GABRB1: variants seen among roughly 807,000 people sequenced by gnomAD.
The protein encoded by GABRB1 is gamma-aminobutyric acid receptor subunit beta-1.
In GABRB1, 17 loss-of-function variants were observed where a neutral mutation model predicts 51.6. The ratio of observed to expected loss-of-function variants is 0.33; its 90% CI spans 0.23 to 0.49. GABRB1 has a LOEUF of 0.49. Among genes scored for constraint, GABRB1 ranks in the 20% least tolerant of loss-of-function variants. The probability of loss-of-function intolerance (pLI) is 0.99; values close to 1 mark genes in which losing one functional copy is unlikely to be tolerated. For missense variants in GABRB1, 410 were observed against 600.6 expected (o/e 0.68, Z 3.32); for synonymous variants, 247 against 218.9 (o/e 1.13, Z -1.14).
chr4:47,177,628 C>T (rs1160449269), intron 4 of GABRB1, among the ~76,000 whole-genome samples: 1 of 151,876 alleles, frequency 6.6e-6, no homozygotes, highest in Non-Finnish European at 1.5e-5. Context: ...AGGTAGGTAA[C>T]CTGGTAAAAA....
intron 4 of GABRB1, among the ~76,000 whole-genome samples, chr4:47,315,745 G>C (rs1724860549): frequency 6.6e-6 from 1 of 151,842 alleles, no homozygotes; most frequent in African/African-American, 2.4e-5. Flanking sequence ...ATGGATGGAG[G>C]TGGCAGCCGT....
chr4:47,377,851 A>G (rs1727444061), intron 5 of GABRB1, among the ~76,000 whole-genome samples: 1 of 152,202 alleles, frequency 6.6e-6, no homozygotes, highest in African/African-American at 2.4e-5. Flanking sequence ...AGGTAGACAC[A>G]GGGTGCTGAT....
intron 5 of GABRB1, among the ~76,000 whole-genome samples, chr4:47,331,229 T>G (rs1368407702): frequency 6.6e-6 from 1 of 151,548 alleles, no homozygotes; most frequent in African/African-American, 2.4e-5. Context: ...AGAAGAGGGG[T>G]GGGTGGAGAG....
chr4:47,147,151 T>G (rs1420227722), intron 3 of GABRB1, among the ~76,000 whole-genome samples: 1 of 152,070 alleles, frequency 6.6e-6, no homozygotes, highest in Non-Finnish European at 1.5e-5. Context: ...TCCTTTACCA[T>G]TTATGTCTCT....
chr4:47,389,960 A>T (rs1727928504), intron 5 of GABRB1, among the ~76,000 whole-genome samples: 1 of 152,222 alleles, frequency 6.6e-6, no homozygotes, highest in Non-Finnish European at 1.5e-5. Context: ...GTCATTTAGG[A>T]TACTTTAATT....
intron 4 of GABRB1, among the ~76,000 whole-genome samples, chr4:47,297,788 G>A (rs546104007): frequency 6.6e-5 from 10 of 152,110 alleles, no homozygotes; most frequent in South Asian, 6.2e-4. Context: ...TATCAAAGCC[G>A]GGCAGAGACA....
At chr4:47,329,198 C>A (rs938881700) in intron 5 of GABRB1, among the ~76,000 whole-genome samples, 2 of 151,758 alleles carry the variant, frequency 1.3e-5, no homozygotes, top group African/African-American at 4.8e-5. Context: ...AAAGAGGAGA[C>A]CAAGATATCT....
intron 4 of GABRB1, among the ~76,000 whole-genome samples, chr4:47,199,319 G>T (rs1227930685): frequency 2.0e-5 from 3 of 152,128 alleles, no homozygotes; most frequent in Non-Finnish European, 4.4e-5. Context: ...TTTTGCTAGT[G>T]CCTCTGACAA....
chr4:47,216,405 C>T lies in GABRB1; in HGVS notation c.461+54936C>T, dbSNP rs186920852. 1.3e-3 allele frequency among the ~76,000 whole-genome samples: 191 copies of T among 151,994 alleles called. 1 individual carries two copies. The highest frequency in any genetic ancestry group is 4.3e-3 in the African/African-American group (178 of 41,514). On this transcript the variant is annotated intron_variant, in intron 4 of 8. Coordinates refer to ENST00000295454, the MANE Select transcript of GABRB1 (RefSeq NM_000812.4). ...AAACATGTGATGAGAAAATAGTTAT[C>T]ACTGATATTAAGCAGTTGTCTCAGA...
chr4:47,030,222 A>C (rs1395847026), upstream of GABRB1, among the ~76,000 whole-genome samples: 1 of 151,840 alleles, frequency 6.6e-6, no homozygotes, highest in Non-Finnish European at 1.5e-5. Context: ...TTCACTCTAA[A>C]CTTCTTGTGC....
intron 5 of GABRB1, among the ~76,000 whole-genome samples, chr4:47,377,087 G>A (rs1727409705): frequency 6.6e-6 from 1 of 152,198 alleles, no homozygotes; most frequent in South Asian, 2.1e-4. Flanking sequence ...TATAACAAAA[G>A]TTCATTACAG....
intron 4 of GABRB1, among the ~76,000 whole-genome samples, chr4:47,226,327 AT>A (rs1380908840): frequency 6.6e-6 from 1 of 152,176 alleles, no homozygotes; most frequent in Non-Finnish European, 1.5e-5. Context: ...ATGCCTATGA[AT>A]GAAACATTTG....
chr4:47,352,657 G>C (rs1726397219), intron 5 of GABRB1, among the ~76,000 whole-genome samples: 1 of 152,126 alleles, frequency 6.6e-6, no homozygotes, highest in Non-Finnish European at 1.5e-5. Context: ...CAGAATTTTG[G>C]TTTCTTTAGG....
chr4:47,232,577 T>C (rs1026521764), intron 4 of GABRB1, among the ~76,000 whole-genome samples: 1 of 152,190 alleles, frequency 6.6e-6, no homozygotes, highest in Non-Finnish European at 1.5e-5. Flanking sequence ...AGTATCTCCA[T>C]CTGGATGTCC....
chr4:47,203,184 C>T (rs1175243757), intron 4 of GABRB1, among the ~76,000 whole-genome samples: 1 of 152,146 alleles, frequency 6.6e-6, no homozygotes, highest in Admixed American at 6.5e-5. Context: ...ATAAACAACA[C>T]CAGGCACTTC....
chr4:47,299,955 C>T (rs7665763), intron 4 of GABRB1, among the ~76,000 whole-genome samples: 147,132 of 151,800 alleles, frequency 0.97, 71,415 homozygotes, highest in East Asian at 1. Context: ...ATGGATGAAA[C>T]TGGAACTCAT....
At chr4:47,085,280 T>G (rs778118078) in intron 3 of GABRB1, among the ~76,000 whole-genome samples, 4 of 152,174 alleles carry the variant, frequency 2.6e-5, no homozygotes, top group Non-Finnish European at 5.9e-5. Flanking sequence ...ATTTTTCCCC[T>G]TATGACATCA....
intron 3 of GABRB1, among the ~76,000 whole-genome samples, chr4:47,079,079 T>C (rs145631491): frequency 1.9e-3 from 296 of 152,314 alleles, no homozygotes; most frequent in African/African-American, 6.8e-3. Flanking sequence ...TTCTCTTTTT[T>C]TGTTGTGTTT....
intron 4 of GABRB1, among the ~76,000 whole-genome samples, chr4:47,263,399 G>A (rs1396684760): frequency 6.6e-6 from 1 of 152,080 alleles, no homozygotes; most frequent in Non-Finnish European, 1.5e-5. Context: ...TAGGGGAGAA[G>A]TAAGAAGTCA....
Sources: allele counts gnomAD v4.1 joint callset (sites outside exome capture counted in the v4.1 genomes callset), GRCh38; gene constraint gnomAD v4.1.1; transcripts MANE v1.5; gene names NCBI Gene and HGNC (gene_info 2026-07-23, HGNC 2026-07-21).